RPTOR: variants seen among roughly 807,000 people sequenced by gnomAD.
RPTOR encodes the protein regulatory-associated protein of mTOR.
In RPTOR, 21 loss-of-function variants were observed where a neutral mutation model predicts 169.9. The ratio of observed to expected loss-of-function variants is 0.12; its 90% CI spans 0.09 to 0.18. The LOEUF is 0.18. Ranked by LOEUF, RPTOR falls within the 10% of genes least tolerant of loss-of-function variation. RPTOR has a pLI of 1.00. For synonymous variants in RPTOR, 732 were observed against 753.2 expected (o/e 0.97, Z 0.46); for missense variants, 1,133 against 1,855.9 (o/e 0.61, Z 7.16).
chr17:80,701,765 G>A (rs936498528), intron 3 of RPTOR, among the ~76,000 whole-genome samples: 1 of 152,194 alleles, frequency 6.6e-6, no homozygotes, highest in African/African-American at 2.4e-5. Context: ...CTAGTACGAC[G>A]CCAGTGTCTT....
At chr17:80,596,787 G>A (rs1027280170) in intron 1 of RPTOR, among the ~76,000 whole-genome samples, 3 of 152,116 alleles carry the variant, frequency 2.0e-5, no homozygotes, top group African/African-American at 7.2e-5. Flanking sequence ...GCTTGGAAGT[G>A]GAGTGGTGGT....
intron 9 of RPTOR, among the ~76,000 whole-genome samples, chr17:80,837,032 C>G (rs1458677500): frequency 6.6e-6 from 1 of 152,192 alleles, no homozygotes; most frequent in Admixed American, 6.5e-5. Flanking sequence ...GAAGCTGCAG[C>G]AGTGCGGCCC....
chr17:80,834,793 C>A (rs925911668), intron 9 of RPTOR, among the ~76,000 whole-genome samples: 9 of 152,190 alleles, frequency 5.9e-5, no homozygotes. Flanking sequence ...TCCAAAGGCG[C>A]CTTGCCCAGC....
rs9909086 is a variant in RPTOR at position 80,902,670 on chromosome 17, G to T, written c.2402-6141G>T. ...TGCTCAGGATGGAAGGATGGCTGGA[G>T]ACGGTCTGTGGCCTGTGTCCACATG... On this transcript the variant is annotated intron_variant, in intron 20 of 33. Coordinates refer to ENST00000306801, the MANE Select transcript of RPTOR (RefSeq NM_020761.3). 2.6e-5 allele frequency among the ~76,000 whole-genome samples: 4 copies of T among 152,352 alleles called. No homozygotes were observed. The East Asian group carries it at 5.8e-4, about 22-fold the overall frequency.
In RPTOR at chr17:80,562,629, C is replaced by T. The variant is rs1023487940; in HGVS notation, c.162+16838C>T. Among the ~76,000 whole-genome samples the T allele has an allele frequency of 2.6e-5, 4 of 152,118 alleles. No homozygotes were observed. Among genetic ancestry groups the T allele is most frequent in the African/African-American group, 9.7e-5 (4 of 41,422 alleles). On this transcript the variant is annotated intron_variant, in intron 1 of 33. Coordinates refer to ENST00000306801, the MANE Select transcript of RPTOR (RefSeq NM_020761.3). The surrounding 1 kb of genome is among the most constrained non-coding windows in gnomAD (Gnocchi z 4.4). ...CGAAACCCCGTCTCTACTAAAAATA[C>T]AGGAATTATCTGGGTGTGGTGACGC...
chr17:80,661,794 C>T (rs142915755), intron 3 of RPTOR, among the ~76,000 whole-genome samples: 39 of 151,874 alleles, frequency 2.6e-4, no homozygotes, highest in African/African-American at 9.4e-4. Flanking sequence ...TTTTATCCAT[C>T]CAGTGGTTCC....
intron 1 of RPTOR, among the ~76,000 whole-genome samples, chr17:80,611,830 T>A (rs975040299): frequency 3.3e-5 from 5 of 152,150 alleles, no homozygotes; most frequent in African/African-American, 9.7e-5. Context: ...TGCAGAGGTT[T>A]TTCCCCCCCT....
At chr17:80,890,860 G>T (rs2068313432) in intron 17 of RPTOR, among the ~76,000 whole-genome samples, 1 of 152,124 alleles carries the variant, frequency 6.6e-6, no homozygotes, top group African/African-American at 2.4e-5. Context: ...GAAGACCCTG[G>T]TCCCTGGTGG....
At chr17:80,949,378 C>T (rs3751940) in intron 27 of RPTOR, 65 bp from the exon 28 acceptor site, 531,755 of 1,343,258 alleles carry the variant, frequency 0.4, 109,441 homozygotes, top group East Asian at 0.58. Context: ...CTTACCACCA[C>T]GCACAGAGCA....
At chr17:80,638,736 A>G (rs749156118) in intron 2 of RPTOR, among the ~76,000 whole-genome samples, 99 of 152,272 alleles carry the variant, frequency 6.5e-4, no homozygotes, top group Admixed American at 2.0e-3. Flanking sequence ...TCCTGTATCT[A>G]CTTTCCAAAG....
At chr17:80,606,309 CTTTTT>C (rs56331722) in intron 1 of RPTOR, among the ~76,000 whole-genome samples, 2 of 123,862 alleles carry the variant, frequency 1.6e-5, no homozygotes, top group Non-Finnish European at 3.3e-5. Flanking sequence ...GGTGCCTGGC[CTTTTT>C]TTTTTTTTTT....
chr17:80,876,753 G>A (rs12948430), intron 13 of RPTOR, among the ~76,000 whole-genome samples: 18 of 92,804 alleles, frequency 1.9e-4, no homozygotes, highest in African/African-American at 6.0e-4. Flanking sequence ...CCCGTGCCAC[G>A]CAGGGTGTGT....
intron 3 of RPTOR, among the ~76,000 whole-genome samples, chr17:80,649,662 G>C (rs1350415386): frequency 6.6e-6 from 1 of 152,148 alleles, no homozygotes. Context: ...GGTTAACTGT[G>C]GTGCTTTGAC....
chr17:80,742,978 G>A (rs1428630250), intron 5 of RPTOR, among the ~76,000 whole-genome samples: 7 of 152,008 alleles, frequency 4.6e-5, no homozygotes, highest in African/African-American at 7.3e-5. Flanking sequence ...GTGCCATGCC[G>A]CAGCACATTC....
rs116957197 is a variant in RPTOR, at chr17:80,856,063, C to A, written c.1398+516C>A. On this transcript the variant is annotated intron_variant, in intron 12 of 33. Transcript: ENST00000306801. ...AGAGGCAGGATCAAGAAGCGACGTG[C>A]GTTTAACAAATAACTCACAGGGAAA... 1.6e-4 allele frequency among the ~76,000 whole-genome samples: 25 copies of A among 152,200 alleles called. No individual in the cohort carries two copies. In the East Asian group the frequency reaches 4.6e-3, roughly 28 times the overall value.
Position 80,752,610 on chromosome 17 carries a change from G to A in RPTOR, c.655-1400G>A, listed in dbSNP as rs560660693. ...ACAGCAAAACCTCTTGTGGATTACC[G>A]AAATGGCCACATGCAGGCAACGTAG... On this transcript the variant is annotated intron_variant, in intron 5 of 33. Coordinates refer to ENST00000306801, the MANE Select transcript of RPTOR (RefSeq NM_020761.3). Among the ~76,000 whole-genome samples the A allele has an allele frequency of 3.9e-5, 6 of 152,306 alleles. No homozygotes were observed. The East Asian group carries it at 5.8e-4, about 15-fold the overall frequency.
intron 6 of RPTOR, among the ~76,000 whole-genome samples, chr17:80,756,300 T>A (rs1465365484): frequency 6.6e-6 from 1 of 152,236 alleles, no homozygotes; most frequent in Non-Finnish European, 1.5e-5. Context: ...TGCCACTCTT[T>A]GACCTTGGAC....
intron 10 of RPTOR, among the ~76,000 whole-genome samples, chr17:80,838,542 G>A (rs1165856925): frequency 2.0e-5 from 3 of 152,256 alleles, no homozygotes; most frequent in African/African-American, 7.2e-5. Context: ...GTTTCTTAAT[G>A]AGCTTTTGCC....
intron 3 of RPTOR, among the ~76,000 whole-genome samples, chr17:80,697,405 C>G (rs2066046086): frequency 6.6e-6 from 1 of 152,246 alleles, no homozygotes; most frequent in Non-Finnish European, 1.5e-5. Context: ...TCTGGTCTTT[C>G]AGCCTTCAGG....
Sources: gnomAD v4.1 joint callset for allele counts (sites outside exome capture counted in the v4.1 genomes callset) on GRCh38, gnomAD v4.1.1 for gene constraint, Gnocchi (gnomAD v3.1) non-coding constraint, MANE v1.5 for transcripts, NCBI Gene and HGNC (gene_info 2026-07-23, HGNC 2026-07-21) for gene names.